RABGAP1L: variants seen among roughly 807,000 people sequenced by gnomAD.
The protein encoded by RABGAP1L is rab GTPase-activating protein 1-like.
Under a neutral mutation model 137.7 loss-of-function variants are expected in RABGAP1L, and 63 were observed. That is an observed-to-expected ratio of 0.46 (90% CI 0.37 to 0.56). The LOEUF is 0.56. Ranked by LOEUF, RABGAP1L falls within the 20% of genes least tolerant of loss-of-function variation. The pLI is 0.00. For missense variants in RABGAP1L, 1,095 were observed against 1,244.0 expected (o/e 0.88, Z 1.80); for synonymous variants, 431 against 433.7 (o/e 0.99, Z 0.08).
At position 174,966,874 on chromosome 1, in the gene RABGAP1L, A is replaced by T. The variant is rs187656311; in HGVS notation, c.2434-2403A>T. 3.6e-3 allele frequency among the ~76,000 whole-genome samples: 547 copies of T among 151,840 alleles called. 4 individuals are homozygous for T. The highest frequency in any genetic ancestry group is 0.011 in the African/African-American group (470 of 41,378). Reference sequence around the variant, plus strand: ...GACCTTCTAACAGAAGTGGACTTAAATTTTTTTTTCTCATTTTGGCATCTT... The same window carrying T: ...GACCTTCTAACAGAAGTGGACTTAATTTTTTTTTTCTCATTTTGGCATCTT... On this transcript the variant is annotated intron_variant, in intron 20 of 25. Transcript: ENST00000681986.
chr1:174,427,077 G>A (rs1215821232), intron 13 of RABGAP1L, among the ~76,000 whole-genome samples: 1 of 151,750 alleles, frequency 6.6e-6, no homozygotes, highest in Non-Finnish European at 1.5e-5. Flanking sequence ...TAGATTAACA[G>A]TAACATTTAA....
intron 16 of RABGAP1L, chr1:174,701,236 A>G (rs1293932104): frequency 1.6e-6 from 2 of 1,263,896 alleles, no homozygotes; most frequent in African/African-American, 3.1e-5. Flanking sequence ...TAAAGTTACC[A>G]TAAAGGCATT....
At chr1:174,495,618 A>G (rs559017331) in intron 13 of RABGAP1L, among the ~76,000 whole-genome samples, 7 of 152,332 alleles carry the variant, frequency 4.6e-5, no homozygotes, top group Admixed American at 4.6e-4. Flanking sequence ...AGTTCTGTAT[A>G]CACAAACAGT....
intron 14 of RABGAP1L, among the ~76,000 whole-genome samples, chr1:174,665,863 CAGT>C (rs1347201400): frequency 6.6e-6 from 1 of 152,146 alleles, no homozygotes; most frequent in African/African-American, 2.4e-5. Flanking sequence ...ATAAATGGAA[CAGT>C]AGAGTAGTAG....
At chr1:174,957,401 AT>A (rs1162249532) in intron 19 of RABGAP1L, 55 bp from the exon 20 acceptor site, 12 of 1,420,778 alleles carry the variant, frequency 8.4e-6, no homozygotes, top group Non-Finnish European at 1.1e-5. Context: ...ACACACCTGA[AT>A]TTTTTTTCAT....
intron 19 of RABGAP1L, among the ~76,000 whole-genome samples, chr1:174,873,608 G>T (rs1652567666): frequency 2.0e-5 from 3 of 151,558 alleles, no homozygotes; most frequent in African/African-American, 7.3e-5. Context: ...CTGCCTCCCG[G>T]GTTCAAGTGA....
chr1:174,653,347 C>A (rs945094759), intron 14 of RABGAP1L, among the ~76,000 whole-genome samples: 11 of 152,154 alleles, frequency 7.2e-5, no homozygotes, highest in African/African-American at 2.7e-4. Context: ...TTAAAAAAAA[C>A]TCCTGCAGCT....
intron 1 of RABGAP1L, among the ~76,000 whole-genome samples, chr1:174,194,285 A>G (rs973224973): frequency 4.3e-5 from 6 of 140,934 alleles, no homozygotes; most frequent in African/African-American, 1.6e-4. Context: ...CCCAGGCTGG[A>G]GGGCAATAGC....
intron 13 of RABGAP1L, among the ~76,000 whole-genome samples, chr1:174,457,005 C>G (rs949143206): frequency 6.6e-6 from 1 of 151,984 alleles, no homozygotes; most frequent in Non-Finnish European, 1.5e-5. Context: ...TATAATAGTC[C>G]TGGACTCTTA....
rs192234929 is a variant in RABGAP1L, at chr1:174,173,409, C to T, written c.-34+13752C>T. ...CCTCCCAAAGTGCTGGGATTACAGG[C>T]GTGAGCCACAGCACCCGGCTGTTAA... On this transcript the variant is annotated intron_variant, in intron 1 of 25. Transcript: ENST00000681986. 5.5e-4 allele frequency among the ~76,000 whole-genome samples: 84 copies of T among 152,164 alleles called. 1 individual carries two copies. Among genetic ancestry groups the T allele is most frequent in the Admixed American group, 1.8e-3 (28 of 15,272 alleles).
chr1:174,967,570 C>T (rs189614214), intron 20 of RABGAP1L, among the ~76,000 whole-genome samples: 138 of 151,980 alleles, frequency 9.1e-4, no homozygotes, highest in African/African-American at 2.9e-3. Flanking sequence ...TTGAACTGAC[C>T]TCAAGTGGTC....
At chr1:174,615,322 G>C (rs1383842051) in intron 13 of RABGAP1L, among the ~76,000 whole-genome samples, 1 of 152,180 alleles carries the variant, frequency 6.6e-6, no homozygotes, top group Non-Finnish European at 1.5e-5. Context: ...AGGTCTTTTG[G>C]GGTTTGCTGG....
rs373948926 is a variant in RABGAP1L, at chr1:174,746,949, C to A, written c.2170-5364C>A. On this transcript the variant is annotated intron_variant, in intron 17 of 25. Coordinates refer to ENST00000681986, the MANE Select transcript of RABGAP1L (RefSeq NM_001366446.1). ...ACCTTGTACTATAAATGATAAGTGG[C>A]CATAATATGTTTACTTATTTTTTAC... is the stretch of plus-strand genomic sequence containing the variant. Among the ~76,000 whole-genome samples, 12 of 152,054 alleles carry A rather than the reference C, an allele frequency of 7.9e-5. No homozygotes were observed. In the East Asian group the frequency reaches 9.6e-4, roughly 12 times the overall value.
chr1:174,858,711 T>C (rs1649725642), intron 19 of RABGAP1L, among the ~76,000 whole-genome samples: 1 of 152,206 alleles, frequency 6.6e-6, no homozygotes, highest in Non-Finnish European at 1.5e-5. Context: ...TCTTGGCCTT[T>C]TATCCTTACC....
intron 23 of RABGAP1L, 151 bp from the exon 24 acceptor site, chr1:174,982,683 C>G: frequency 2.8e-6 from 2 of 701,766 alleles, no homozygotes; most frequent in South Asian, 3.6e-5. Context: ...TGCTCATTTC[C>G]GAAATGACTG....
chr1:174,390,076 G>A (rs532947197), intron 12 of RABGAP1L, among the ~76,000 whole-genome samples: 5 of 152,192 alleles, frequency 3.3e-5, no homozygotes, highest in African/African-American at 9.6e-5. Context: ...GATCTTCTCT[G>A]ATCATAGATA....
intron 10 of RABGAP1L, among the ~76,000 whole-genome samples, chr1:174,291,000 G>A (rs1486937318): frequency 6.6e-6 from 1 of 152,044 alleles, no homozygotes; most frequent in Non-Finnish European, 1.5e-5. Flanking sequence ...ACTCAAGCAA[G>A]CCTCCCACTG....
intron 10 of RABGAP1L, among the ~76,000 whole-genome samples, chr1:174,300,854 A>C (rs1677629687): frequency 3.3e-5 from 5 of 152,182 alleles, no homozygotes; most frequent in South Asian, 2.1e-4. Context: ...TGACAGAGTG[A>C]GACTCTATCT....
chr1:174,981,466 A>G (rs1035002044), intron 23 of RABGAP1L, among the ~76,000 whole-genome samples: 6 of 150,576 alleles, frequency 4.0e-5, no homozygotes, highest in African/African-American at 1.5e-4. Flanking sequence ...GATTTTTTAA[A>G]TGTCTGTTTT....
Sources: gnomAD v4.1 joint callset for allele counts (sites outside exome capture counted in the v4.1 genomes callset) on GRCh38, gnomAD v4.1.1 for gene constraint, MANE v1.5 for transcripts, NCBI Gene and HGNC (gene_info 2026-07-23, HGNC 2026-07-21) for gene names.